PTPRT: variants seen among roughly 807,000 people sequenced by gnomAD.
PTPRT encodes the protein receptor-type tyrosine-protein phosphatase T.
In PTPRT, 56 loss-of-function variants were observed where a neutral mutation model predicts 176.8. The observed-to-expected ratio is 0.32, with a 90% CI of 0.26 to 0.40. The LOEUF (loss-of-function observed/expected upper bound fraction) is 0.40, where lower values mean the gene tolerates loss of function less well. PTPRT is among the 10% of genes least tolerant of loss of function. The probability of loss-of-function intolerance (pLI) is 1.00; values close to 1 mark genes in which losing one functional copy is unlikely to be tolerated. For synonymous variants in PTPRT, 783 were observed against 739.0 expected, an observed-to-expected ratio of 1.06 and a Z score of -0.96; for missense variants, 1,540 against 1,908.2, an observed-to-expected ratio of 0.81 and a Z score of 3.60.
intron 1 of PTPRT, among the ~76,000 whole-genome samples, chr20:42,896,897 T>G (rs2079310481): frequency 6.6e-6 from 1 of 152,204 alleles, no homozygotes; most frequent in Non-Finnish European, 1.5e-5. Flanking sequence ...CGTGGGTAGC[T>G]GATTCTTGCC....
At position 42,307,246 on chromosome 20, in the gene PTPRT, C is replaced by T. The variant is rs370749555; in HGVS notation, c.2139+8477G>A. Among the ~76,000 whole-genome samples the T allele has an allele frequency of 1.7e-4, 26 of 152,306 alleles. 1 individual carries two copies. In the South Asian group the frequency reaches 2.3e-3, roughly 13 times the overall value. ...TGCTATGCACCACTTTGTATGGAAA[C>T]TTGTAGAACGAATGCTCTATTTGCC... On this transcript the variant is annotated intron_variant, in intron 12 of 30. Coordinates refer to ENST00000373187, the MANE Select transcript of PTPRT (RefSeq NM_007050.6).
chr20:42,037,182 T>A, the PTPRT span, among the ~76,000 whole-genome samples: 2 of 152,270 alleles, frequency 1.3e-5, no homozygotes, highest in South Asian at 4.1e-4. Context: ...GTCAAGTAAA[T>A]TCCTCCCCGT....
intron 10 of PTPRT, among the ~76,000 whole-genome samples, chr20:42,351,293 C>A (rs1185310703): frequency 6.6e-6 from 1 of 152,006 alleles, no homozygotes; most frequent in Non-Finnish European, 1.5e-5. Context: ...TAATCCAAAC[C>A]AATGAATTAA....
intron 6 of PTPRT, among the ~76,000 whole-genome samples, chr20:42,725,893 C>G (rs1339020533): frequency 6.6e-6 from 1 of 151,878 alleles, no homozygotes; most frequent in Non-Finnish European, 1.5e-5. Flanking sequence ...CTGACTCTGA[C>G]CATCCCTCCC....
At chr20:42,455,299 C>T (rs2070901995) in intron 8 of PTPRT, among the ~76,000 whole-genome samples, 1 of 152,202 alleles carries the variant, frequency 6.6e-6, no homozygotes, top group African/African-American at 2.4e-5. Context: ...TTGGACCACA[C>T]TGGGAATAGC....
downstream of PTPRT, among the ~76,000 whole-genome samples, chr20:42,071,742 A>T (rs1312646895): frequency 6.6e-6 from 1 of 152,078 alleles, no homozygotes. Context: ...CTGCAGCCTC[A>T]ACTTCCTAGG....
At chr20:42,365,442 T>C (rs968027653) in intron 9 of PTPRT, among the ~76,000 whole-genome samples, 21 of 152,254 alleles carry the variant, frequency 1.4e-4, no homozygotes, top group Non-Finnish European at 2.6e-4. Context: ...ATGCGTATTA[T>C]GCATATGTGT....
At chr20:42,863,496 A>T (rs2078696292) in intron 2 of PTPRT, among the ~76,000 whole-genome samples, 2 of 152,230 alleles carry the variant, frequency 1.3e-5, no homozygotes, top group African/African-American at 4.8e-5. Flanking sequence ...TTAGAACAAG[A>T]GTCAAGCCAT....
chr20:42,258,351 A>G (rs972308700), intron 13 of PTPRT, among the ~76,000 whole-genome samples: 7 of 152,204 alleles, frequency 4.6e-5, no homozygotes, highest in African/African-American at 1.7e-4. Flanking sequence ...CTCAAATGAT[A>G]TTTAAACTTG....
intron 19 of PTPRT, among the ~76,000 whole-genome samples, chr20:42,125,216 G>A (rs1987793890): frequency 2.6e-5 from 4 of 152,120 alleles, no homozygotes; most frequent in Non-Finnish European, 4.4e-5. Context: ...CTTTCCCTGG[G>A]TACCCACTTT....
rs572135592 is a variant in PTPRT, at chr20:42,149,523, A to C, written c.2683-7521T>G. Among the ~76,000 whole-genome samples the C allele has an allele frequency of 1.2e-4, 18 of 151,678 alleles. No individual in the cohort carries two copies. The South Asian group carries it at 3.1e-3, about 26-fold the overall frequency. ...ACCGCAACGTCTGCCTCCTGGGTTC[A>C]AGTGATTCTCCCGCCTCAGCCTCCT... On this transcript the variant is annotated intron_variant, in intron 17 of 30. Transcript: ENST00000373187.
chr20:42,409,675 T>C (rs1485352947), intron 9 of PTPRT, among the ~76,000 whole-genome samples: 1 of 152,194 alleles, frequency 6.6e-6, no homozygotes, highest in Non-Finnish European at 1.5e-5. Context: ...TTAAAGGAAA[T>C]ATAACGGAAC....
Position 42,074,169 on chromosome 20 carries a change from G to A in PTPRT, c.*6710C>T, listed in dbSNP as rs778568887. ...GCCCTCTAAGCCTCCAGACTGCCCT[G>A]GGGCCTTTGACCCAAAGAACACCTG... On this transcript the variant is annotated 3_prime_UTR_variant, in exon 31 of 31. Coordinates refer to ENST00000373187, the MANE Select transcript of PTPRT (RefSeq NM_007050.6). 2.2e-5 allele frequency: 5 copies of A among 228,474 alleles called. No individual in the cohort carries two copies. The highest frequency in any genetic ancestry group is 3.5e-5 in the Non-Finnish European group (4 of 115,132). The allele number at this position is 228,474 out of a possible 1,614,324, so 14.2% of individuals were successfully genotyped here.
intron 1 of PTPRT, among the ~76,000 whole-genome samples, chr20:42,920,905 A>G (rs765550615): frequency 1.3e-5 from 2 of 152,206 alleles, no homozygotes; most frequent in Non-Finnish European, 2.9e-5. Flanking sequence ...ACAACAAAAT[A>G]TTTACAGACA....
intron 1 of PTPRT, chr20:42,968,675 T>G (rs1982443771): frequency 6.6e-6 from 1 of 152,222 alleles, no homozygotes; most frequent in Non-Finnish European, 1.5e-5. Flanking sequence ...CATTTACTCC[T>G]CACAATGACC....
intron 1 of PTPRT, among the ~76,000 whole-genome samples, chr20:42,911,163 T>C (rs76082035): frequency 0.019 from 2,871 of 151,074 alleles, 102 homozygotes; most frequent in African/African-American, 0.067. Flanking sequence ...CACTTTTTTT[T>C]TAAATCATGG....
At position 42,084,700 on chromosome 20, in the gene PTPRT, C is replaced by T. The variant is rs1272852268; in HGVS notation, c.4118G>A (p.Arg1373His). 1.4e-5 allele frequency: 22 copies of T among 1,541,230 alleles called. No homozygotes were observed. The highest frequency in any genetic ancestry group is 1.7e-4 in the Middle Eastern group (1 of 5,848). The change falls in exon 29 of 31, where the codon CGT becomes CAT. Residue 1373 changes from arginine (R) to histidine (H), a missense_variant. Arg to His is a conservative substitution (Grantham distance 29). This residue lies in a region of PTPRT where 342 missense variants were observed against 394.0 expected (regional missense o/e 0.87). Transcript: ENST00000373187. Reference protein sequence around the residue: ...WQEQYDGREGRTVVHCLNGGG... With the variant: ...WQEQYDGREGHTVVHCLNGGG... ...TACTCACAGGCAGTGGACCACAGTA[C>T]GTCCCTCCCTCCCGTCATACTGCTC...
intron 13 of PTPRT, among the ~76,000 whole-genome samples, chr20:42,251,000 A>G (rs2056542562): frequency 6.6e-6 from 1 of 152,016 alleles, no homozygotes; most frequent in Non-Finnish European, 1.5e-5. Context: ...GGATGGGGGG[A>G]CGAGGGCTGG....
At chr20:42,234,837 C>G (rs918971535) in intron 15 of PTPRT, among the ~76,000 whole-genome samples, 6 of 152,166 alleles carry the variant, frequency 3.9e-5, no homozygotes, top group African/African-American at 1.4e-4. Flanking sequence ...GTGGTAGTAC[C>G]CGTCCTAAAG....
Sources: gnomAD v4.1 joint callset for allele counts (sites outside exome capture counted in the v4.1 genomes callset) on GRCh38, gnomAD v4.1.1 for gene constraint, gnomAD v4.1.1 regional missense constraint, MANE v1.5 for transcripts, NCBI Gene and HGNC (gene_info 2026-07-23, HGNC 2026-07-21) for gene names.